Variants in COLEC12 observed in about 807,000 individuals in gnomAD.
COLEC12 encodes the protein collectin-12.
COLEC12 carries 33 observed loss-of-function variants against 71.1 expected under a neutral mutation model. That is an observed-to-expected ratio of 0.46 (90% CI 0.35 to 0.62). COLEC12 has a LOEUF of 0.62. COLEC12 is among the 20% of genes least tolerant of loss of function. The pLI, the probability that COLEC12 is intolerant of heterozygous loss-of-function variation, is 0.00. For synonymous variants in COLEC12, 350 were observed against 353.0 expected (o/e 0.99, Z 0.10); for missense variants, 765 against 916.1 (o/e 0.84, Z 2.13).
At chr18:458,434 G>A (rs1302550121) in intron 2 of COLEC12, among the ~76,000 whole-genome samples, 2 of 152,250 alleles carry the variant, frequency 1.3e-5, no homozygotes, top group South Asian at 2.1e-4. Flanking sequence ...GAGAACACAC[G>A]TGGGTGGGCT....
intron 2 of COLEC12, among the ~76,000 whole-genome samples, chr18:366,363 C>T (rs1055594856): frequency 6.6e-6 from 1 of 152,144 alleles, no homozygotes; most frequent in Non-Finnish European, 1.5e-5. Context: ...CAGGGCTCTG[C>T]TCATTTCCCC....
chr18:378,481 T>C (rs1017562638), intron 2 of COLEC12, among the ~76,000 whole-genome samples: 3 of 152,166 alleles, frequency 2.0e-5, no homozygotes, highest in Non-Finnish European at 2.9e-5. Flanking sequence ...TCCGATGCAA[T>C]TGGCACGGGT....
At chr18:331,955 G>A (rs1053949225) in intron 7 of COLEC12, among the ~76,000 whole-genome samples, 178 bp from the exon 8 acceptor site, 3 of 152,066 alleles carry the variant, frequency 2.0e-5, no homozygotes, top group African/African-American at 7.2e-5. Context: ...GTGCTGTTTG[G>A]GGGGCTTTGA....
intron 2 of COLEC12, among the ~76,000 whole-genome samples, chr18:368,333 G>A (rs1914899580): frequency 1.3e-5 from 2 of 152,218 alleles, no homozygotes; most frequent in South Asian, 4.1e-4. Flanking sequence ...AACATTTTGG[G>A]AGGCCAAGGT....
intron 5 of COLEC12, among the ~76,000 whole-genome samples, chr18:340,474 T>C (rs183793486): frequency 5.4e-4 from 83 of 152,328 alleles, no homozygotes; most frequent in African/African-American, 2.0e-3. Flanking sequence ...TCAAAGAGGA[T>C]GGAAGACTTT....
At chr18:499,735 C>G (rs948307726) in intron 1 of COLEC12, among the ~76,000 whole-genome samples, 1 of 152,252 alleles carries the variant, frequency 6.6e-6, no homozygotes, top group African/African-American at 2.4e-5. Context: ...TTCCACTAAA[C>G]AGAAGGCTGC....
At chr18:425,705 G>A (rs61366662) in intron 2 of COLEC12, among the ~76,000 whole-genome samples, 5,361 of 152,304 alleles carry the variant, frequency 0.035, 316 homozygotes, top group African/African-American at 0.12. Context: ...ATGAGGGCAT[G>A]TGGGTGAGTG....
At chr18:322,079 C>T (rs1598324168) in intron 8 of COLEC12, among the ~76,000 whole-genome samples, 1 of 152,064 alleles carries the variant, frequency 6.6e-6, no homozygotes, top group Non-Finnish European at 1.5e-5. Flanking sequence ...GCAGAGGGAG[C>T]GAATCTTGCT....
chr18:408,614 A>AGG lies in COLEC12; in HGVS notation c.59-51093_59-51092insCC, dbSNP rs1567899067. Reference sequence around the variant, plus strand: ...ATTACCAAATATTGAGAAAAAGGAAAAAAAAAAAAGACAGGAAAATAAAAG... The same window carrying AGG: ...ATTACCAAATATTGAGAAAAAGGAAAGGAAAAAAAAAGACAGGAAAATAAAAG... On this transcript the variant is annotated intron_variant, in intron 2 of 9. Coordinates refer to ENST00000400256, the MANE Select transcript of COLEC12 (RefSeq NM_130386.3). This position sits in a 1 kb window ranked among gnomAD's most constrained non-coding sequence, Gnocchi z 4.3. Among the ~76,000 whole-genome samples, 971 of 137,194 alleles carry AGG rather than the reference A, an allele frequency of 7.1e-3. 9 individuals are homozygous for AGG. Among genetic ancestry groups the AGG allele is most frequent in the African/African-American group, 0.029 (921 of 32,154 alleles). The allele number at this position is 137,194 out of a possible 152,430, so 90.0% of individuals were successfully genotyped here. A position where few individuals can be genotyped will look rare whatever the true frequency, so the allele number is the denominator to read the frequency against.
chr18:363,119 C>A (rs1286296609), intron 2 of COLEC12, among the ~76,000 whole-genome samples: 1 of 152,052 alleles, frequency 6.6e-6, no homozygotes, highest in African/African-American at 2.4e-5. Context: ...GTGCAAAGGG[C>A]CAGAAGAATT....
chr18:336,824 C>T (rs1181553250), intron 5 of COLEC12, among the ~76,000 whole-genome samples: 1 of 152,078 alleles, frequency 6.6e-6, no homozygotes. Flanking sequence ...AAAGGCCACA[C>T]TTAATCTCTC....
At position 409,227 on chromosome 18, in the gene COLEC12, A is replaced by C. The variant is rs116546557; in HGVS notation, c.59-51705T>G. 5.4e-3 allele frequency among the ~76,000 whole-genome samples: 829 copies of C among 152,292 alleles called. 10 individuals carry two copies. The highest frequency in any genetic ancestry group is 0.019 in the African/African-American group (796 of 41,554). ...AAATTATCTGGCTATTCTGCATGCA[A>C]ATGGTTTAGGCTGTAAAAGAAACGT... On this transcript the variant is annotated intron_variant, in intron 2 of 9. Transcript: ENST00000400256.
intron 2 of COLEC12, among the ~76,000 whole-genome samples, chr18:365,191 T>C (rs1914828439): frequency 6.6e-6 from 1 of 152,240 alleles, no homozygotes; most frequent in Non-Finnish European, 1.5e-5. Flanking sequence ...ACAGGCCTGA[T>C]GCTTCTGCCG....
intron 2 of COLEC12, among the ~76,000 whole-genome samples, chr18:471,157 G>C (rs1917187859): frequency 6.6e-6 from 1 of 152,120 alleles, no homozygotes; most frequent in African/African-American, 2.4e-5. Flanking sequence ...TATAAAAAGA[G>C]GAGCATGTGT....
In COLEC12 at chr18:480,882, G is replaced by A. The variant is rs1316652251; in HGVS notation, c.8-125C>T. The A allele has an allele frequency of 1.5e-5, 13 of 850,906 alleles. No individual in the cohort carries two copies. The highest frequency in any genetic ancestry group is 7.2e-5 in the Admixed American group (4 of 55,504). The allele number at this position is 850,906 out of a possible 1,614,324, so 52.7% of individuals were successfully genotyped here. A position where few individuals can be genotyped will look rare whatever the true frequency, so the allele number is the denominator to read the frequency against. On this transcript the variant is annotated intron_variant, in intron 1 of 9. Coordinates refer to ENST00000400256, the MANE Select transcript of COLEC12 (RefSeq NM_130386.3). The surrounding 1 kb of genome is among the most constrained non-coding windows in gnomAD (Gnocchi z 4.1). Reference sequence around the variant, plus strand: ...GCAGCTTTCCTTCTGCTCGTGGATCGCACCAGGCTTTCTGGAAGAGGCGGC... The same window carrying A: ...GCAGCTTTCCTTCTGCTCGTGGATCACACCAGGCTTTCTGGAAGAGGCGGC...
chr18:334,990 C>A lies in COLEC12; in HGVS notation c.1568G>T (p.Ser523Ile), dbSNP rs1257618261. 5.7e-6 allele frequency: 9 copies of A among 1,569,542 alleles called. No individual in the cohort carries two copies. The East Asian group carries it at 1.1e-4, about 20-fold the overall frequency. ...SPGKPGPQGSSGDPGPPGPPG... is the reference protein window; with the variant it reads ...SPGKPGPQGSIGDPGPPGPPG... ...TGGGCCCGGGGGGCCTGGGTCCCCA[C>A]TGGAGCCCTGAGGGCCGGGCTTCCC... is the stretch of plus-strand genomic sequence containing the variant. The change falls in exon 6 of 10, where the codon AGT (serine) becomes ATT (isoleucine). Residue 523 changes from serine to isoleucine, a missense_variant. Ser to Ile is a moderately radical substitution (Grantham distance 142). Transcript: ENST00000400256.
intron 2 of COLEC12, among the ~76,000 whole-genome samples, chr18:454,997 T>C (rs1246606576): frequency 1.3e-5 from 2 of 152,122 alleles, no homozygotes; most frequent in African/African-American, 4.8e-5. Context: ...GTTGACAAAA[T>C]CATACTTGAC....
intron 2 of COLEC12, among the ~76,000 whole-genome samples, chr18:391,010 G>A (rs897948897): frequency 2.6e-5 from 4 of 152,112 alleles, no homozygotes; most frequent in Admixed American, 2.0e-4. Context: ...ATGGGGAACT[G>A]GTCCGCTCTT....
chr18:325,877 C>T (rs1480581163), intron 8 of COLEC12, among the ~76,000 whole-genome samples: 3 of 151,904 alleles, frequency 2.0e-5, no homozygotes, highest in South Asian at 4.2e-4. Flanking sequence ...TTGCTCAGGC[C>T]GGTCTCGAAC....
Sources: allele counts gnomAD v4.1 joint callset (sites outside exome capture counted in the v4.1 genomes callset), GRCh38; gene constraint gnomAD v4.1.1; non-coding constraint Gnocchi (gnomAD v3.1); transcripts MANE v1.5; gene names NCBI Gene and HGNC (gene_info 2026-07-23, HGNC 2026-07-21).